The following WDR76 variants were observed in gnomAD, a reference collection of about 807,000 sequenced individuals.
The protein encoded by WDR76 is WD repeat-containing protein 76.
WDR76 carries 52 observed loss-of-function variants against 70.2 expected under a neutral mutation model. The ratio of observed to expected loss-of-function variants is 0.74; its 90% confidence interval spans 0.59 to 0.93. The LOEUF (loss-of-function observed/expected upper bound fraction) is 0.93, where lower values mean the gene tolerates loss of function less well. WDR76 is among the 40% of genes least tolerant of loss of function. WDR76 has a pLI of 0.00. For missense variants in WDR76, 756 were observed against 760.2 expected (o/e 0.99, Z 0.07); for synonymous variants, 292 against 271.1 (o/e 1.08, Z -0.76).
At chr15:43,858,456 G>A in intron 10 of WDR76, 1 of 491,342 alleles carries the variant, frequency 2.0e-6, no homozygotes, top group Non-Finnish European at 3.6e-6. Flanking sequence ...TCCATGTTGA[G>A]GCTGGTTTCG....
rs774482598 is a variant in WDR76, at chr15:43,842,421, T to C, written c.739T>C (p.Leu247=). The C allele has an allele frequency of 5.0e-6, 8 of 1,613,008 alleles. No homozygotes were observed. In the East Asian group the frequency reaches 1.6e-4, roughly 31 times the overall value. ...TTTTTATTTTTTATAACAGCCTTTG[T>C]TACCTCCTGGGCCTTTAGAAATGAC... ...PTLVADETPL[L]PPGPLEMTSE... is the part of the protein sequence containing the mutation. Residue 247 remains leucine (L), a synonymous_variant, in exon 6 of 13, where the codon TTA becomes CTA. Coordinates refer to ENST00000263795, the MANE Select transcript of WDR76 (RefSeq NM_024908.4).
intron 12 of WDR76, among the ~76,000 whole-genome samples, chr15:43,862,539 C>T (rs1567193779): frequency 6.7e-6 from 1 of 149,296 alleles, no homozygotes; most frequent in Non-Finnish European, 1.5e-5. Context: ...GACAGAGTCT[C>T]ACTCTGTTGT....
At chr15:43,860,482 T>G (rs1239636873) in intron 11 of WDR76, among the ~76,000 whole-genome samples, 1 of 152,218 alleles carries the variant, frequency 6.6e-6, no homozygotes, top group Admixed American at 6.5e-5. Context: ...TTCTATTCAT[T>G]TATCATTATT....
At position 43,851,260 on chromosome 15, in the gene WDR76, G is replaced by A. The variant is rs376905107; in HGVS notation, c.1191+15G>A. 5.0e-6 allele frequency: 8 copies of A among 1,610,542 alleles called. No individual in the cohort carries two copies. In the African/African-American group the frequency reaches 8.0e-5, roughly 16 times the overall value. On this transcript the variant is annotated intron_variant, in intron 9 of 12. Transcript: ENST00000263795. ...TTTTTGAAGAGGTAAATGTTAATGT[G>A]TTTACATGCTGACTTCAGATGATAT... is the stretch of plus-strand genomic sequence containing the variant.
At chr15:43,831,985 G>A (rs984684764) in intron 2 of WDR76, among the ~76,000 whole-genome samples, 3 of 152,002 alleles carry the variant, frequency 2.0e-5, no homozygotes, top group Non-Finnish European at 4.4e-5. Context: ...CTGACCTCGT[G>A]ATCTGCCGGC....
Position 43,842,519 on chromosome 15 carries a change from A to T in WDR76, c.834+3A>T. On this transcript the variant is annotated splice_donor_region_variant and intron_variant, in intron 6 of 12. Coordinates refer to ENST00000263795, the MANE Select transcript of WDR76 (RefSeq NM_024908.4). ...ACACATGGGCAGGAATGAGCAAGGT[A>T]TCACTTGGGAAGGCCAATAGCCTTT... 1 of 1,613,364 alleles carries T rather than the reference A, an allele frequency of 6.2e-7. No homozygotes were observed. Among genetic ancestry groups the T allele is most frequent in the Non-Finnish European group, 8.5e-7 (1 of 1,179,630 alleles).
chr15:43,849,791 CT>C (rs1177940535), intron 8 of WDR76, among the ~76,000 whole-genome samples: 1 of 152,190 alleles, frequency 6.6e-6, no homozygotes, highest in Non-Finnish European at 1.5e-5. Context: ...CCACCTCAGC[CT>C]CCCAAAGTGC....
chr15:43,835,053 T>C lies in WDR76; in HGVS notation c.463-8T>C. The stretch of plus-strand genomic sequence containing the variant: ...AAGTAATGGAATCTTTTTGGTGTAA[T>C]TTTATAGGATTTTTCGGGATTGTCA... On this transcript the variant is annotated splice_region_variant and splice_polypyrimidine_tract_variant and intron_variant, in intron 2 of 12. Transcript: ENST00000263795. The C allele has an allele frequency of 6.2e-7, 1 of 1,612,528 alleles. No homozygotes were observed. Among genetic ancestry groups the C allele is most frequent in the Middle Eastern group, 1.7e-4 (1 of 6,058 alleles).
chr15:43,828,637 A>G (rs1400951940), intron 2 of WDR76, among the ~76,000 whole-genome samples: 1 of 152,014 alleles, frequency 6.6e-6, no homozygotes, highest in Non-Finnish European at 1.5e-5. Context: ...AACTGCATAT[A>G]TTTTTGGGTT....
chr15:43,840,362 G>A (rs2087709502), intron 5 of WDR76, among the ~76,000 whole-genome samples: 1 of 151,602 alleles, frequency 6.6e-6, no homozygotes, highest in Admixed American at 6.6e-5. Flanking sequence ...ACCTCAAAGA[G>A]CTACTGTAAA....
In WDR76 at chr15:43,832,743, GTTTTTTTT is replaced by G. The variant is rs201304087; in HGVS notation, c.463-2298_463-2291del. On this transcript the variant is annotated intron_variant, in intron 2 of 12. Transcript: ENST00000263795. ...TGAGCCATTGCACCCGGCTTGCTTT[GTTTTTTTT>G]TTTTTTTTTTTTTTTTTTTGAGACA... Among the ~76,000 whole-genome samples, 26 of 68,118 alleles carry G rather than the reference GTTTTTTTT, an allele frequency of 3.8e-4. No individual in the cohort carries two copies. In the South Asian group the frequency reaches 0.015, roughly 40 times the overall value. 44.7% of individuals were successfully genotyped at this position (68,118 alleles called of 152,430 possible).
Position 43,827,011 on chromosome 15 carries a change from C to G in WDR76, c.-22C>G. ...CCGCCGCAATCTTGGCGGGAAGGCG[C>G]CGGCCGCTAAGAAGCCGAAAGATGT... On this transcript the variant is annotated 5_prime_UTR_variant, in exon 1 of 13. Transcript: ENST00000263795. 1 of 1,612,608 alleles carries G rather than the reference C, an allele frequency of 6.2e-7. No homozygotes were observed. Among genetic ancestry groups the G allele is most frequent in the Non-Finnish European group, 8.5e-7 (1 of 1,179,754 alleles).
intron 2 of WDR76, among the ~76,000 whole-genome samples, chr15:43,830,875 T>C (rs2918947): frequency 0.81 from 122,832 of 151,962 alleles, 50,006 homozygotes; most frequent in East Asian, 1. Flanking sequence ...GGTGAAAGCC[T>C]GTCTCTCCTA....
chr15:43,828,072 C>T lies in WDR76; in HGVS notation c.168C>T (p.Leu56=). The change falls in exon 2 of 13, where the codon CTC becomes CTT. Residue 56 remains leucine, a synonymous_variant. Coordinates refer to ENST00000263795, the MANE Select transcript of WDR76 (RefSeq NM_024908.4). ...TAKVYLAPFS[L]SNYQLDQLMC... The stretch of plus-strand genomic sequence containing the variant: ...AGGTCTATCTTGCCCCCTTTTCACT[C>T]AGTAATTACCAGCTAGACCAGCTTA... 1.2e-6 allele frequency: 2 copies of T among 1,614,166 alleles called. No homozygotes were observed. The highest frequency in any genetic ancestry group is 1.7e-6 in the Non-Finnish European group (2 of 1,180,032).
intron 8 of WDR76, among the ~76,000 whole-genome samples, chr15:43,849,093 T>C (rs1230842737): frequency 1.3e-5 from 2 of 150,730 alleles, no homozygotes; most frequent in Non-Finnish European, 2.9e-5. Flanking sequence ...GAGAATCGCT[T>C]GAACCTGGGA....
chr15:43,863,288 G>GT (rs757987499), intron 12 of WDR76, among the ~76,000 whole-genome samples: 1 of 152,006 alleles, frequency 6.6e-6, no homozygotes, highest in Non-Finnish European at 1.5e-5. Flanking sequence ...TGTACAACAT[G>GT]TTTTGAAATA....
chr15:43,851,386 C>T (rs1236908327), intron 9 of WDR76, 141 bp downstream of exon 9: 20 of 1,170,892 alleles, frequency 1.7e-5, no homozygotes, highest in African/African-American at 3.1e-5. Flanking sequence ...GTTCAAATCC[C>T]AGATCATCTG....
intron 4 of WDR76, 130 bp from the exon 5 acceptor site, chr15:43,839,475 A>G: frequency 2.1e-6 from 2 of 940,816 alleles, no homozygotes; most frequent in Non-Finnish European, 3.0e-6. Context: ...AATTGTGGCC[A>G]TGTATATATA....
intron 4 of WDR76, among the ~76,000 whole-genome samples, chr15:43,837,124 A>C (rs888494818): frequency 7.2e-5 from 11 of 152,198 alleles, no homozygotes; most frequent in African/African-American, 2.6e-4. Context: ...ATTTGAACTC[A>C]AGGGTGTTTA....
Sources: allele counts gnomAD v4.1 joint callset (sites outside exome capture counted in the v4.1 genomes callset), GRCh38; gene constraint gnomAD v4.1.1; transcripts MANE v1.5; gene names NCBI Gene and HGNC (gene_info 2026-07-23, HGNC 2026-07-21).